Variants in MYL6B observed in about 807,000 individuals in gnomAD.
MYL6B encodes myosin light chain 6B.
A neutral mutation model predicts 24.5 loss-of-function variants in MYL6B; 19 were observed. The ratio of observed to expected loss-of-function variants is 0.78; its 90% CI spans 0.54 to 1.14. The LOEUF is 1.14. MYL6B is among the 50% of genes most tolerant of loss of function. The pLI is 0.00. For missense variants in MYL6B, 230 were observed against 263.8 expected (o/e 0.87, Z 0.89); for synonymous variants, 90 against 100.7 (o/e 0.89, Z 0.64).
At chr12:56,153,267 A>T (rs1198572700) in intron 1 of MYL6B, among the ~76,000 whole-genome samples, 2 of 152,114 alleles carry the variant, frequency 1.3e-5, no homozygotes, top group East Asian at 3.9e-4. Flanking sequence ...GAGGGATGTC[A>T]TACTCCTGTT....
At chr12:56,157,412 G>A (rs1168426111) in intron 5 of MYL6B, 56 bp from the exon 6 acceptor site, 7 of 1,537,312 alleles carry the variant, frequency 4.6e-6, no homozygotes, top group Non-Finnish European at 5.4e-6. Context: ...GAAAAGCGTG[G>A]CCTGGGTGAG....
In MYL6B at chr12:56,157,563, C is replaced by G. The variant is rs762717085; in HGVS notation, c.598+18C>G. On this transcript the variant is annotated intron_variant, in intron 6 of 6. Transcript: ENST00000553066. ...CTACGAGGGTGAGGGGACAAAAAAG[C>G]GGGAGCGGGGCCGAGGGAGGAGGGC... The G allele has an allele frequency of 2.2e-6, 3 of 1,352,168 alleles. No individual in the cohort carries two copies. The East Asian group carries it at 7.1e-5, about 32-fold the overall frequency. The allele number at this position is 1,352,168 out of a possible 1,614,324, so 83.8% of individuals were successfully genotyped here.
At chr12:56,157,223 C>T (rs1422909146) in intron 5 of MYL6B, 5 of 456,992 alleles carry the variant, frequency 1.1e-5, no homozygotes, top group South Asian at 4.6e-5. Flanking sequence ...GGCGAAACCT[C>T]GTCTCTACCA....
chr12:56,154,949 C>G (rs537885034), intron 3 of MYL6B, 106 bp from the exon 4 acceptor site: 129 of 1,560,012 alleles, frequency 8.3e-5, no homozygotes, highest in Non-Finnish European at 2.9e-5. Flanking sequence ...CATACTAGTC[C>G]TCTTTTCCTC....
chr12:56,154,758 G>C, intron 2 of MYL6B, 55 bp from the exon 3 acceptor site: 2 of 1,582,346 alleles, frequency 1.3e-6, no homozygotes, highest in Non-Finnish European at 1.7e-6. Context: ...GGAGGAGTGC[G>C]GGAGAGGGAT....
At chr12:56,154,975 A>G (rs556217958) in intron 3 of MYL6B, 80 bp from the exon 4 acceptor site, 1 of 1,560,216 alleles carries the variant, frequency 6.4e-7, no homozygotes, top group Non-Finnish European at 8.7e-7. Flanking sequence ...TTCTGTTCAC[A>G]TAGTTTCTGA....
rs1488809157 is a variant in MYL6B at position 56,157,550 on chromosome 12, G to A, written c.598+5G>A. 1.3e-6 allele frequency: 2 copies of A among 1,594,650 alleles called. No individual in the cohort carries two copies. Among genetic ancestry groups the A allele is most frequent in the Non-Finnish European group, 1.7e-6 (2 of 1,169,014 alleles). On this transcript the variant is annotated splice_donor_5th_base_variant and intron_variant, in intron 6 of 6. Coordinates refer to ENST00000553066, the Ensembl canonical transcript of MYL6B. ...ACGGCTGCATCAACTACGAGGGTGA[G>A]GGGACAAAAAAGCGGGAGCGGGGCC...
chr12:56,154,760 G>C (rs1292023767), intron 2 of MYL6B, 53 bp from the exon 3 acceptor site: 6 of 1,587,056 alleles, frequency 3.8e-6, no homozygotes, highest in Non-Finnish European at 5.1e-6. Flanking sequence ...AGGAGTGCGG[G>C]AGAGGGATTG....
At chr12:56,154,121 T>G (rs1250315713) in intron 2 of MYL6B, 29 bp downstream of exon 2, 2 of 1,586,510 alleles carry the variant, frequency 1.3e-6, no homozygotes, top group Non-Finnish European at 1.7e-6. Context: ...AAGATAGAAT[T>G]GGAGGGGGTG....
In MYL6B at chr12:56,155,718, C is replaced by T. The variant is rs566155910; in HGVS notation, c.520+126C>T. On this transcript the variant is annotated intron_variant, in intron 5 of 6. Transcript: ENST00000553066. ...TGTCCTGCAGGTTGTCGGCAGGAGA[C>T]TGAGAAGGTCAGAGCTATGGGGGTA... 8.7e-5 allele frequency: 135 copies of T among 1,554,156 alleles called. No homozygotes were observed. The Middle Eastern group carries it at 1.3e-3, about 15-fold the overall frequency.
At chr12:56,156,179 A>G (rs1293770273) in intron 5 of MYL6B, 2 of 243,586 alleles carry the variant, frequency 8.2e-6, no homozygotes, top group Non-Finnish European at 6.9e-6. Flanking sequence ...GGTGGCACGC[A>G]CCTATAATCC....
At chr12:56,153,331 G>T in intron 1 of MYL6B, 1 of 685,934 alleles carries the variant, frequency 1.5e-6, no homozygotes, top group Non-Finnish European at 1.8e-6. Flanking sequence ...TGGCTGGGTG[G>T]GGGCTCAGGA....
At chr12:56,154,830 C>T (rs186296129) in exon 3 of MYL6B, 1 of 1,613,050 alleles carries the variant, frequency 6.2e-7, no homozygotes, top group South Asian at 1.1e-5. Flanking sequence ...TTAACAAGGA[C>T]CAGCTGGAGG....
exon 7 of MYL6B, chr12:56,157,800 CAT>C: frequency 6.4e-7 from 1 of 1,555,428 alleles, no homozygotes; most frequent in Non-Finnish European, 8.8e-7. Flanking sequence ...TCTCAGCCAA[CAT>C]AGAAAAGCAG....
chr12:56,154,705 G>C, intron 2 of MYL6B, 108 bp from the exon 3 acceptor site: 2 of 1,277,042 alleles, frequency 1.6e-6, no homozygotes, highest in Non-Finnish European at 2.2e-6. Context: ...CTTCCAGCCT[G>C]GTCCCTTTGG....
At chr12:56,153,339 G>A (rs1871180217) in intron 1 of MYL6B, 3 of 790,378 alleles carry the variant, frequency 3.8e-6, no homozygotes, top group Non-Finnish European at 4.6e-6. Flanking sequence ...TGGGGGCTCA[G>A]GAACTACAAG....
chr12:56,155,670 A>T (rs1871280214), intron 5 of MYL6B, 78 bp downstream of exon 5: 1 of 1,602,746 alleles, frequency 6.2e-7, no homozygotes, highest in African/African-American at 1.3e-5. Context: ...TGGACAGATA[A>T]GCAGAGCTAG....
At chr12:56,157,902 T>C in exon 7 of MYL6B, 1 of 691,718 alleles carries the variant, frequency 1.4e-6, no homozygotes, top group Admixed American at 2.9e-5. Flanking sequence ...GTCCGGACAC[T>C]GGGCCCCGCA....
chr12:56,153,989 C>T (rs764000411), exon 2 of MYL6B: 2 of 1,612,614 alleles, frequency 1.2e-6, no homozygotes, highest in South Asian at 1.1e-5. Flanking sequence ...GCTGCTAAGC[C>T]AGCAGCAGCA....
Sources: allele counts gnomAD v4.1 joint callset (sites outside exome capture counted in the v4.1 genomes callset), GRCh38; gene constraint gnomAD v4.1.1; transcripts MANE v1.5; gene names NCBI Gene and HGNC (gene_info 2026-07-23, HGNC 2026-07-21).